Variants in CACNA1C observed in about 807,000 individuals in gnomAD.
CACNA1C encodes the protein voltage-dependent L-type calcium channel subunit alpha-1C.
Under a neutral mutation model 229.0 loss-of-function variants are expected in CACNA1C, and 30 were observed. The observed-to-expected ratio is 0.13, with a 90% CI of 0.10 to 0.18. The LOEUF is 0.18. Among genes scored for constraint, CACNA1C ranks in the 10% least tolerant of loss-of-function variants. The pLI is 1.00. For synonymous variants in CACNA1C, 1,114 were observed against 1,132.5 expected, an observed-to-expected ratio of 0.98 and a Z score of 0.33; for missense variants, 1,658 against 2,845.0, an observed-to-expected ratio of 0.58 and a Z score of 9.49.
At chr12:2,334,633 C>T (rs928804665) in intron 3 of CACNA1C, among the ~76,000 whole-genome samples, 6 of 152,068 alleles carry the variant, frequency 3.9e-5, no homozygotes, top group African/African-American at 1.2e-4. Context: ...AGTGAGGCCC[C>T]GTTTCTACAA....
chr12:2,011,821 A>G (rs1488271107), intron 1 of CACNA1C, among the ~76,000 whole-genome samples: 3 of 152,158 alleles, frequency 2.0e-5, no homozygotes, highest in African/African-American at 7.2e-5. Context: ...GGAGAAAGGA[A>G]TGTTTCCCCT....
At chr12:2,431,233 G>A (rs2099081374) in intron 3 of CACNA1C, among the ~76,000 whole-genome samples, 1 of 152,156 alleles carries the variant, frequency 6.6e-6, no homozygotes, top group South Asian at 2.1e-4. Flanking sequence ...CCAGGAGGCT[G>A]CATTTTTAAC....
intron 5 of CACNA1C, among the ~76,000 whole-genome samples, chr12:2,472,082 C>A (rs1267656761): frequency 1.3e-5 from 2 of 152,170 alleles, no homozygotes; most frequent in African/African-American, 2.4e-5. Flanking sequence ...TGATGTGCAT[C>A]ATTATTATAT....
At chr12:2,229,330 T>G (rs959391939) in intron 3 of CACNA1C, among the ~76,000 whole-genome samples, 3 of 152,240 alleles carry the variant, frequency 2.0e-5, no homozygotes, top group African/African-American at 7.2e-5. Flanking sequence ...GCTCCCTCAG[T>G]GGCAGCCTTG....
intron 3 of CACNA1C, among the ~76,000 whole-genome samples, chr12:2,303,951 C>T (rs148901642): frequency 1.2e-4 from 18 of 152,312 alleles, no homozygotes; most frequent in Middle Eastern, 3.4e-3. Context: ...ACATGGTGAG[C>T]GCTGGCTTGG....
intron 9 of CACNA1C, 58 bp downstream of exon 9, chr12:2,513,042 CG>C: frequency 6.9e-7 from 1 of 1,445,940 alleles, no homozygotes; most frequent in Non-Finnish European, 9.4e-7. Context: ...GAGACAGCAT[CG>C]GGGTCAGCAC....
chr12:2,242,847 A>G (rs1312088058), intron 3 of CACNA1C, among the ~76,000 whole-genome samples: 1 of 152,224 alleles, frequency 6.6e-6, no homozygotes, highest in African/African-American at 2.4e-5. Context: ...GTGCTTTCAT[A>G]TGCGTGATTT....
chr12:2,374,473 C>A (rs1178203689), intron 3 of CACNA1C, among the ~76,000 whole-genome samples: 2 of 152,236 alleles, frequency 1.3e-5, no homozygotes, highest in African/African-American at 2.4e-5. Flanking sequence ...GGCCACCAAC[C>A]CTCTGCCTGT....
intron 3 of CACNA1C, among the ~76,000 whole-genome samples, chr12:2,340,551 A>G (rs1010805482): frequency 5.9e-5 from 9 of 152,358 alleles, no homozygotes; most frequent in African/African-American, 2.2e-4. Flanking sequence ...AAGCTGGGGC[A>G]TTCTTATTTC....
chr12:2,504,958 A>G lies in CACNA1C; in HGVS notation c.1217+13A>G, dbSNP rs781570516. On this transcript the variant is annotated intron_variant, in intron 8 of 46. Coordinates refer to ENST00000399655, the MANE Select transcript of CACNA1C (RefSeq NM_000719.7). The surrounding 1 kb of genome is among the most constrained non-coding windows in gnomAD (Gnocchi z 6.8). Reference sequence around the variant, plus strand: ...GTGTGCTTAGCGGGTAAGCAGGACCAAGGAAAAAGGTCTTGATTTTTCCAT... The same window carrying G: ...GTGTGCTTAGCGGGTAAGCAGGACCGAGGAAAAAGGTCTTGATTTTTCCAT... The G allele has an allele frequency of 1.5e-5, 18 of 1,238,400 alleles. No homozygotes were observed. In the East Asian group the frequency reaches 3.0e-4, roughly 21 times the overall value. 76.7% of individuals were successfully genotyped at this position (1,238,400 alleles called of 1,614,324 possible).
chr12:2,635,130 C>T (rs541770114), intron 30 of CACNA1C, among the ~76,000 whole-genome samples: 10 of 152,172 alleles, frequency 6.6e-5, no homozygotes, highest in Non-Finnish European at 1.2e-4. Context: ...CCCATGTGAG[C>T]GCCTCACTCC....
chr12:2,348,649 G>C lies in CACNA1C; in HGVS notation c.478-100327G>C, dbSNP rs916769378. Reference sequence around the variant, plus strand: ...TTTGGCATGCTGAATATAAACTCATGCTTCCGTCTGCTGCCACACTTTAAG... The same window carrying C: ...TTTGGCATGCTGAATATAAACTCATCCTTCCGTCTGCTGCCACACTTTAAG... On this transcript the variant is annotated intron_variant, in intron 3 of 46. Coordinates refer to ENST00000399655, the MANE Select transcript of CACNA1C (RefSeq NM_000719.7). This position sits in a 1 kb window ranked among gnomAD's most constrained non-coding sequence, Gnocchi z 4.7. Among the ~76,000 whole-genome samples the C allele has an allele frequency of 6.6e-6, 1 of 152,122 alleles. No individual in the cohort carries two copies. Among genetic ancestry groups the C allele is most frequent in the Non-Finnish European group, 1.5e-5 (1 of 68,034 alleles).
At chr12:2,604,322 T>TC (rs1404051051) in intron 22 of CACNA1C, among the ~76,000 whole-genome samples, 1 of 152,064 alleles carries the variant, frequency 6.6e-6, no homozygotes, top group African/African-American at 2.4e-5. Flanking sequence ...TGAGACTGCT[T>TC]CTAAGGCCGT....
chr12:2,020,326 T>G lies in CACNA1C; in HGVS notation c.139+49125T>G, dbSNP rs147464149. ...ATACAATACTGAGGATCAGGGAGAT[T>G]GAATAAGTTGTCCAGTGTCACCCCT... is the stretch of plus-strand genomic sequence containing the variant. On this transcript the variant is annotated intron_variant, in intron 1 of 46. Coordinates refer to the CACNA1C transcript ENST00000682462. 9 of 152,320 alleles carry G rather than the reference T, an allele frequency of 5.9e-5. No homozygotes were observed. In the East Asian group the frequency reaches 1.5e-3, roughly 26 times the overall value. The allele number at this position is 152,320 out of a possible 1,614,324, so 9.4% of individuals were successfully genotyped here.
intron 42 of CACNA1C, chr12:2,680,261 TG>T: frequency 1.1e-6 from 1 of 877,022 alleles, no homozygotes; most frequent in Non-Finnish European, 1.7e-6. Context: ...TCTGTAGCAC[TG>T]GCCCATTCTG....
At chr12:2,292,145 G>A (rs1030933930) in intron 3 of CACNA1C, among the ~76,000 whole-genome samples, 1 of 152,206 alleles carries the variant, frequency 6.6e-6, no homozygotes, top group African/African-American at 2.4e-5. Context: ...CTGGCTCCCG[G>A]GGAGGCAAAG....
chr12:2,629,772 G>A lies in CACNA1C; in HGVS notation c.3829-4525G>A, dbSNP rs1211816652. 7.2e-5 allele frequency among the ~76,000 whole-genome samples: 11 copies of A among 152,208 alleles called. No individual in the cohort carries two copies. The East Asian group carries it at 9.6e-4, about 13-fold the overall frequency. On this transcript the variant is annotated intron_variant, in intron 29 of 46. Transcript: ENST00000399655. ...AAATGGAAGAAAATCCACAATTCTC[G>A]TGCATGTGAAATGCATCCTATGATG... is the stretch of plus-strand genomic sequence containing the variant.
At position 2,610,585 on chromosome 12, in the gene CACNA1C, G is replaced by A. The variant is rs755793450; in HGVS notation, c.3603G>A (p.Arg1201=). The A allele has an allele frequency of 1.2e-6, 2 of 1,614,066 alleles. No individual in the cohort carries two copies. Among genetic ancestry groups the A allele is most frequent in the Non-Finnish European group, 1.7e-6 (2 of 1,179,948 alleles). Residue 1201 remains arginine, a synonymous_variant, in exon 28 of 47, where the codon AGG becomes AGA. Coordinates refer to ENST00000399655, the MANE Select transcript of CACNA1C (RefSeq NM_000719.7). Reference sequence around the variant, plus strand: ...CCCTCAAGGCCCGGCCCCTGCGGAGGTACATCCCCAAGAACCAGCACCAGT... The same window carrying A: ...CCCTCAAGGCCCGGCCCCTGCGGAGATACATCCCCAAGAACCAGCACCAGT... The part of the protein sequence containing the change: ...EYALKARPLR[R]YIPKNQHQYK...
chr12:2,189,530 G>C (rs1350169245), intron 3 of CACNA1C, among the ~76,000 whole-genome samples: 3 of 152,218 alleles, frequency 2.0e-5, no homozygotes. Context: ...TGTGGGGACT[G>C]AAGCTGGGCG....
Sources: gnomAD v4.1 joint callset for allele counts (sites outside exome capture counted in the v4.1 genomes callset) on GRCh38, gnomAD v4.1.1 for gene constraint, Gnocchi (gnomAD v3.1) non-coding constraint, MANE v1.5 for transcripts, NCBI Gene and HGNC (gene_info 2026-07-23, HGNC 2026-07-21) for gene names.